The following MYO6 variants were observed in gnomAD, a reference collection of about 807,000 sequenced individuals.
The protein encoded by MYO6 is myosin VI, also known as unconventional myosin-VI.
In MYO6, 74 loss-of-function variants were observed where a neutral mutation model predicts 178.7. That is an observed-to-expected ratio of 0.41 (90% CI 0.34 to 0.50). MYO6 has a LOEUF of 0.50. Among genes scored for constraint, MYO6 ranks in the 20% least tolerant of loss-of-function variants. The pLI is 0.09. For missense variants in MYO6, 1,330 were observed against 1,547.4 expected (o/e 0.86, Z 2.36); for synonymous variants, 477 against 504.6 (o/e 0.95, Z 0.73).
chr6:75,877,840 G>A (rs1407140795), intron 20 of MYO6, among the ~76,000 whole-genome samples: 1 of 152,160 alleles, frequency 6.6e-6, no homozygotes, highest in African/African-American at 2.4e-5. Context: ...TGCTGAGAAA[G>A]CAGTTGTAGG....
At chr6:75,784,514 C>T (rs1767311055) in intron 1 of MYO6, among the ~76,000 whole-genome samples, 1 of 151,650 alleles carries the variant, frequency 6.6e-6, no homozygotes, top group Non-Finnish European at 1.5e-5. Context: ...TGGCTCATGC[C>T]TGTAATCCCA....
At chr6:75,809,429 T>G (rs1313988952) in intron 1 of MYO6, among the ~76,000 whole-genome samples, 1 of 152,142 alleles carries the variant, frequency 6.6e-6, no homozygotes, top group African/African-American at 2.4e-5. Context: ...AAAAGCAAAC[T>G]GTAAAATATT....
chr6:75,826,168 G>A (rs535224300), intron 3 of MYO6, among the ~76,000 whole-genome samples: 195 of 152,176 alleles, frequency 1.3e-3, no homozygotes, highest in Middle Eastern at 0.01. Flanking sequence ...TAGGCAGTTG[G>A]GACTTAGCAT....
intron 3 of MYO6, among the ~76,000 whole-genome samples, chr6:75,827,412 T>C (rs1001744442): frequency 2.6e-5 from 4 of 152,148 alleles, no homozygotes; most frequent in African/African-American, 9.7e-5. Context: ...TTAAGGTGAA[T>C]TGTGGAAAAT....
Position 75,879,863 on chromosome 6 carries a change from A to G in MYO6, c.2121A>G (p.Ser707=). Residue 707 remains serine (S), a synonymous_variant, in exon 21 of 35, where the codon TCA becomes TCG. Coordinates refer to ENST00000369977, the MANE Select transcript of MYO6 (RefSeq NM_004999.4). The stretch of plus-strand genomic sequence containing the variant: ...ACTTGATGCAGGGTGGTTACCCATC[A>G]CGAGCTTCATTTCATGAACTCTACA... ...VLDLMQGGYP[S]RASFHELYNM... is the part of the protein sequence containing the mutation. 4 of 1,614,180 alleles carry G rather than the reference A, an allele frequency of 2.5e-6. No individual in the cohort carries two copies. The highest frequency in any genetic ancestry group is 2.2e-5 in the South Asian group (2 of 91,086).
chr6:75,892,612 G>T lies in MYO6; in HGVS notation c.3029G>T (p.Arg1010Leu). 4 of 1,613,424 alleles carry T rather than the reference G, an allele frequency of 2.5e-6. No individual in the cohort carries two copies. Among genetic ancestry groups the T allele is most frequent in the South Asian group, 1.1e-5 (1 of 91,036 alleles). The change falls in exon 28 of 35, where the codon CGG becomes CTG. Residue 1010 changes from arginine to leucine, a missense_variant. Transcript: ENST00000369977. ...QAVLEQERRDRELALRIAQSE... is the reference protein window; with the variant it reads ...QAVLEQERRDLELALRIAQSE... ...GTTCTGGAGCAGGAGCGCAGGGACCGGGAGCTGGCCCTGAGGATTGCCCAG... is the reference window on the plus strand; with the variant it reads ...GTTCTGGAGCAGGAGCGCAGGGACCTGGAGCTGGCCCTGAGGATTGCCCAG...
chr6:75,899,641 AC>A (rs1380537094), intron 30 of MYO6, among the ~76,000 whole-genome samples: 6 of 152,054 alleles, frequency 3.9e-5, no homozygotes, highest in Non-Finnish European at 8.8e-5. Context: ...AGATTCTGCA[AC>A]AAAGCTAAAA....
At chr6:75,818,653 A>G (rs1423254125) in intron 2 of MYO6, among the ~76,000 whole-genome samples, 2 of 152,172 alleles carry the variant, frequency 1.3e-5, no homozygotes, top group African/African-American at 4.8e-5. Context: ...CCTTCTGGGA[A>G]CCTTAGAAAA....
At chr6:75,872,740 C>CATTGT (rs764980873) in intron 19 of MYO6, among the ~76,000 whole-genome samples, 213 of 151,072 alleles carry the variant, frequency 1.4e-3, no homozygotes, top group Non-Finnish European at 2.5e-3. Context: ...TTCAAAAAGT[C>CATTGT]ATTGTAAGCT....
intron 1 of MYO6, among the ~76,000 whole-genome samples, chr6:75,754,003 A>G (rs1201201621): frequency 6.6e-6 from 1 of 152,178 alleles, no homozygotes; most frequent in African/African-American, 2.4e-5. Flanking sequence ...AGTAAAACCT[A>G]AAGAAGAAAT....
At chr6:75,849,857 G>A (rs1747240898) in intron 11 of MYO6, among the ~76,000 whole-genome samples, 1 of 152,154 alleles carries the variant, frequency 6.6e-6, no homozygotes, top group South Asian at 2.1e-4. Flanking sequence ...CCTTGCAGCG[G>A]CTTGGCAAAG....
intron 11 of MYO6, among the ~76,000 whole-genome samples, chr6:75,854,902 A>G (rs908591458): frequency 3.9e-5 from 6 of 152,184 alleles, no homozygotes; most frequent in Admixed American, 6.5e-5. Context: ...TGACAGTTTA[A>G]TATTGATGTG....
intron 28 of MYO6, 73 bp from the exon 29 acceptor site, chr6:75,895,158 C>T (rs896151269): frequency 9.2e-6 from 11 of 1,191,558 alleles, no homozygotes; most frequent in Non-Finnish European, 1.3e-5. Context: ...AATTGAAACA[C>T]AAATTTGCAC....
chr6:75,753,245 A>G (rs997458436), intron 1 of MYO6, among the ~76,000 whole-genome samples: 15 of 151,980 alleles, frequency 9.9e-5, no homozygotes, highest in Non-Finnish European at 8.8e-5. Flanking sequence ...TTTGCTTTGA[A>G]CTATTAGGAA....
chr6:75,895,185 G>C (rs768391263), intron 28 of MYO6, 46 bp from the exon 29 acceptor site: 1 of 1,474,330 alleles, frequency 6.8e-7, no homozygotes, highest in Non-Finnish European at 9.4e-7. Context: ...GATTTTCACA[G>C]TTCACAATTG....
chr6:75,788,512 A>C (rs1767905948), intron 1 of MYO6, among the ~76,000 whole-genome samples: 1 of 152,210 alleles, frequency 6.6e-6, no homozygotes, highest in Non-Finnish European at 1.5e-5. Context: ...CCTGAAAAAA[A>C]CGATATTGCT....
In MYO6 at chr6:75,890,098, T is replaced by G. The variant is rs1177104469; in HGVS notation, c.2700T>G (p.Asp900Glu). 1 of 1,613,568 alleles carries G rather than the reference T, an allele frequency of 6.2e-7. No individual in the cohort carries two copies. The highest frequency in any genetic ancestry group is 1.3e-5 in the African/African-American group (1 of 74,770). Reference protein sequence around the residue: ...MTQEQIQKEYDALVKSSEELL... With the variant: ...MTQEQIQKEYEALVKSSEELL... ...AGGAACAAATCCAGAAAGAATATGATGCACTGGTTAAAAGCTCAGAGGAAC... is the reference window on the plus strand; with the variant it reads ...AGGAACAAATCCAGAAAGAATATGAGGCACTGGTTAAAAGCTCAGAGGAAC... Residue 900 changes from aspartate (D) to glutamate (E), a missense_variant, in exon 26 of 35, where the codon GAT becomes GAG. Physicochemically the swap from Asp to Glu is conservative, Grantham distance 45. This residue lies in a region of MYO6 where 601 missense variants were observed against 626.1 expected (regional missense o/e 0.96). Coordinates refer to ENST00000369977, the MANE Select transcript of MYO6 (RefSeq NM_004999.4).
intron 25 of MYO6, 117 bp downstream of exon 25, chr6:75,887,111 A>G: frequency 1.1e-6 from 1 of 924,928 alleles, no homozygotes; most frequent in Non-Finnish European, 1.7e-6. Flanking sequence ...AAATGTGTTG[A>G]GACTCAATGA....
intron 9 of MYO6, 120 bp downstream of exon 9, chr6:75,841,498 G>A (rs1159089676): frequency 2.2e-6 from 2 of 918,942 alleles, no homozygotes; most frequent in Non-Finnish European, 3.3e-6. Context: ...AGAGCAGCCT[G>A]GGCAATGTAG....
Sources: allele counts gnomAD v4.1 joint callset (sites outside exome capture counted in the v4.1 genomes callset), GRCh38; gene constraint gnomAD v4.1.1; regional missense constraint gnomAD v4.1.1; transcripts MANE v1.5; gene names NCBI Gene and HGNC (gene_info 2026-07-23, HGNC 2026-07-21).